The following MFHAS1 variants were observed in gnomAD, a reference collection of about 807,000 sequenced individuals.
MFHAS1 encodes the protein multifunctional ROCO family signaling regulator 1, also known as malignant fibrous histiocytoma-amplified sequence 1.
In MFHAS1, 50 loss-of-function variants were observed where a neutral mutation model predicts 70.4. The observed-to-expected ratio is 0.71, with a 90% CI of 0.57 to 0.90. MFHAS1 has a LOEUF of 0.90. Among genes scored for constraint, MFHAS1 ranks in the 40% least tolerant of loss-of-function variants. The pLI is 0.00. For synonymous variants in MFHAS1, 952 were observed against 620.0 expected, an observed-to-expected ratio of 1.54 and a Z score of -7.96; for missense variants, 1,795 against 1,347.6, an observed-to-expected ratio of 1.33 and a Z score of -5.20.
Position 8,890,538 on chromosome 8 carries a change from A to G in MFHAS1, c.2521T>C (p.Leu841=). Residue 841 remains leucine, a synonymous_variant, in exon 1 of 3, where the codon TTG becomes CTG. Transcript: ENST00000276282. ...TTGTACCAAGCTGTGGACCCATTCAAAGGCTTGCCCTTGGGTTTATTGAGG... is the reference window on the plus strand; with the variant it reads ...TTGTACCAAGCTGTGGACCCATTCAGAGGCTTGCCCTTGGGTTTATTGAGG... The part of the protein sequence containing the change: ...YCLNKPKGKP[L]NGSTAWYKFP... The G allele has an allele frequency of 1.2e-6, 2 of 1,613,516 alleles. No individual in the cohort carries two copies. Among genetic ancestry groups the G allele is most frequent in the Non-Finnish European group, 1.7e-6 (2 of 1,180,044 alleles).
At chr8:8,835,931 G>C (rs1807578502) in intron 1 of MFHAS1, among the ~76,000 whole-genome samples, 1 of 152,232 alleles carries the variant, frequency 6.6e-6, no homozygotes, top group Non-Finnish European at 1.5e-5. Context: ...TTCCAAGGTA[G>C]TGCAATTCTG....
intron 2 of MFHAS1, among the ~76,000 whole-genome samples, chr8:8,797,150 T>TAAAAAAAAAAAAAAAAAAA (rs11355520): frequency 7.1e-6 from 1 of 141,502 alleles, no homozygotes; most frequent in African/African-American, 2.6e-5. Flanking sequence ...TTAGCTAAAG[T>TAAAAAAAAAAAAAAAAAAA]AAAAAAAAAA....
At chr8:8,851,937 C>G (rs1808261149) in intron 1 of MFHAS1, among the ~76,000 whole-genome samples, 1 of 152,142 alleles carries the variant, frequency 6.6e-6, no homozygotes, top group Non-Finnish European at 1.5e-5. Flanking sequence ...AAAGTTGAAG[C>G]TTAAGTGTAA....
intron 1 of MFHAS1, among the ~76,000 whole-genome samples, chr8:8,807,541 A>G (rs1004542379): frequency 6.6e-6 from 1 of 152,136 alleles, no homozygotes; most frequent in Non-Finnish European, 1.5e-5. Context: ...TAATCTTCTT[A>G]TTCTTATTAA....
intron 1 of MFHAS1, among the ~76,000 whole-genome samples, chr8:8,833,662 A>G (rs1807492254): frequency 6.6e-6 from 1 of 152,054 alleles, no homozygotes; most frequent in African/African-American, 2.4e-5. Flanking sequence ...CAAATAAACA[A>G]AAAGCTAGAC....
Position 8,849,857 on chromosome 8 carries a change from T to G in MFHAS1, c.2998+40204A>C, listed in dbSNP as rs549224681. Among the ~76,000 whole-genome samples, 277 of 152,352 alleles carry G rather than the reference T, an allele frequency of 1.8e-3. 1 individual carries two copies. Among genetic ancestry groups the G allele is most frequent in the African/African-American group, 6.3e-3 (263 of 41,584 alleles). Reference sequence around the variant, plus strand: ...GGCTCAAAGCCCTAATTGCCTGGTATGACCCAGGGAAAACTCCATTTTAAG... The same window carrying G: ...GGCTCAAAGCCCTAATTGCCTGGTAGGACCCAGGGAAAACTCCATTTTAAG... On this transcript the variant is annotated intron_variant, in intron 1 of 2. Coordinates refer to ENST00000276282, the MANE Select transcript of MFHAS1 (RefSeq NM_004225.3).
At chr8:8,801,969 TG>T (rs1413375853) in intron 1 of MFHAS1, among the ~76,000 whole-genome samples, 1 of 152,206 alleles carries the variant, frequency 6.6e-6, no homozygotes, top group African/African-American at 2.4e-5. Flanking sequence ...CAGCAACTTT[TG>T]TTATCAGAAT....
At chr8:8,888,972 C>T (rs1809879247) in intron 1 of MFHAS1, among the ~76,000 whole-genome samples, 1 of 149,112 alleles carries the variant, frequency 6.7e-6, no homozygotes, top group Non-Finnish European at 1.5e-5. Context: ...AATCTCTGTA[C>T]CTTCTGTTCA....
intron 1 of MFHAS1, among the ~76,000 whole-genome samples, chr8:8,854,285 C>A (rs765247700): frequency 6.6e-6 from 1 of 152,070 alleles, no homozygotes; most frequent in Non-Finnish European, 1.5e-5. Context: ...GTAATCCCAG[C>A]ACTTTGGGAG....
chr8:8,878,166 AG>A (rs1809368763), intron 1 of MFHAS1, among the ~76,000 whole-genome samples: 1 of 152,182 alleles, frequency 6.6e-6, no homozygotes. Context: ...GCTCCTGTGC[AG>A]TACCAGACTG....
intron 1 of MFHAS1, among the ~76,000 whole-genome samples, chr8:8,843,964 G>A (rs1001093760): frequency 1.3e-5 from 2 of 152,200 alleles, no homozygotes; most frequent in African/African-American, 4.8e-5. Flanking sequence ...AAGGGATTGT[G>A]GGATCAATTT....
At chr8:8,877,876 G>A in intron 1 of MFHAS1, among the ~76,000 whole-genome samples, 1 of 152,274 alleles carries the variant, frequency 6.6e-6, no homozygotes, top group Non-Finnish European at 1.5e-5. Flanking sequence ...AAACAAAGAA[G>A]TCTCTCCCTT....
intron 2 of MFHAS1, among the ~76,000 whole-genome samples, chr8:8,795,596 T>C (rs904889459): frequency 1.3e-5 from 2 of 152,344 alleles, no homozygotes; most frequent in Middle Eastern, 3.4e-3. Context: ...ATTAGGGATG[T>C]TCTATGTAAT....
In MFHAS1 at chr8:8,892,760, G is replaced by T. The variant is rs902655965; in HGVS notation, c.299C>A (p.Ala100Asp). ...CTCGGCCACCGCCGGGGGCAGCCGG[G>T]CGAAGCGGTTCCTGCGCAGGACCAG... The part of the protein sequence containing the change: ...RVLVLRRNRF[A>D]RLPPAVAELG... Residue 100 changes from alanine (A) to aspartate (D), a missense_variant, in exon 1 of 3, where the codon GCC (alanine) becomes GAC (aspartate). Coordinates refer to ENST00000276282, the MANE Select transcript of MFHAS1 (RefSeq NM_004225.3). The surrounding 1 kb of genome is among the most constrained non-coding windows in gnomAD (Gnocchi z 4.7). The T allele has an allele frequency of 2.5e-6, 4 of 1,578,378 alleles. No homozygotes were observed. In the East Asian group the frequency reaches 6.9e-5, roughly 27 times the overall value.
intron 1 of MFHAS1, among the ~76,000 whole-genome samples, chr8:8,810,530 G>A (rs948566736): frequency 2.6e-5 from 4 of 152,154 alleles, no homozygotes; most frequent in Non-Finnish European, 5.9e-5. Flanking sequence ...ATACGAAGAC[G>A]ATGATGAAGA....
At chr8:8,787,288 G>A (rs1805584387) in intron 2 of MFHAS1, among the ~76,000 whole-genome samples, 1 of 152,112 alleles carries the variant, frequency 6.6e-6, no homozygotes, top group Non-Finnish European at 1.5e-5. Flanking sequence ...CACCATGTTA[G>A]CCAGGATGAT....
At chr8:8,826,836 G>A (rs1199358715) in intron 1 of MFHAS1, among the ~76,000 whole-genome samples, 1 of 152,158 alleles carries the variant, frequency 6.6e-6, no homozygotes, top group Admixed American at 6.5e-5. Flanking sequence ...GCAGATGTGA[G>A]GTCCGGTACA....
intron 1 of MFHAS1, among the ~76,000 whole-genome samples, chr8:8,884,061 CACACACACACACACACACACA>C (rs1468258587): frequency 5.9e-4 from 71 of 120,758 alleles, no homozygotes; most frequent in African/African-American, 3.1e-3. Flanking sequence ...CACACACACA[CACACACACACACACACACACA>C]AAAAGAAAAA....
At chr8:8,830,451 A>C (rs889816678) in intron 1 of MFHAS1, among the ~76,000 whole-genome samples, 4 of 152,210 alleles carry the variant, frequency 2.6e-5, no homozygotes, top group African/African-American at 9.7e-5. Flanking sequence ...AGAGAAAATC[A>C]CTCATAATCC....
Sources: allele counts gnomAD v4.1 joint callset (sites outside exome capture counted in the v4.1 genomes callset), GRCh38; gene constraint gnomAD v4.1.1; non-coding constraint Gnocchi (gnomAD v3.1); transcripts MANE v1.5; gene names NCBI Gene and HGNC (gene_info 2026-07-23, HGNC 2026-07-21).